The following CSMD2 variants were observed in gnomAD, a reference collection of about 807,000 sequenced individuals.
CSMD2 encodes the protein CUB and Sushi multiple domains 2.
CSMD2 carries 130 observed loss-of-function variants against 398.5 expected under a neutral mutation model. The ratio of observed to expected loss-of-function variants is 0.33; its 90% CI spans 0.28 to 0.38. The LOEUF is 0.38. Ranked by LOEUF, CSMD2 falls within the 10% of genes least tolerant of loss-of-function variation. The pLI is 1.00. For synonymous variants in CSMD2, 1,828 were observed against 1,908.5 expected (o/e 0.96, Z 1.10); for missense variants, 3,829 against 4,764.9 (o/e 0.80, Z 5.78).
At chr1:33,848,869 G>A (rs939232437) in intron 5 of CSMD2, among the ~76,000 whole-genome samples, 2 of 151,244 alleles carry the variant, frequency 1.3e-5, no homozygotes, top group African/African-American at 4.9e-5. Context: ...AAGCTTGGAG[G>A]CTATTTATAT....
At chr1:33,924,406 TTACATATACCATATTTTCTTTA>T (rs781070627) in intron 4 of CSMD2, among the ~76,000 whole-genome samples, 1 of 152,192 alleles carries the variant, frequency 6.6e-6, no homozygotes, top group Non-Finnish European at 1.5e-5. Context: ...CACATATATA[TTACATATACCATATTTTCTTTA>T]TACATTTATC....
chr1:33,768,976 C>T (rs1165484413), intron 13 of CSMD2, among the ~76,000 whole-genome samples: 1 of 152,312 alleles, frequency 6.6e-6, no homozygotes, highest in Non-Finnish European at 1.5e-5. Flanking sequence ...TGGCATATCT[C>T]TGGTGAAGGC....
At chr1:34,010,872 G>A (rs1468923843) in intron 3 of CSMD2, among the ~76,000 whole-genome samples, 3 of 152,142 alleles carry the variant, frequency 2.0e-5, no homozygotes, top group South Asian at 2.1e-4. Context: ...TGATCTGCCC[G>A]CCTCGGCCTC....
rs748133181 is a variant in CSMD2 at position 33,540,656 on chromosome 1, A to G, written c.9500T>C (p.Val3167Ala). 1.6e-5 allele frequency: 26 copies of G among 1,613,906 alleles called. No individual in the cohort carries two copies. In the African/African-American group the frequency reaches 3.5e-4, roughly 22 times the overall value. Residue 3167 changes from valine (V) to alanine (A), a missense_variant, in exon 60 of 71, where the codon GTG (valine) becomes GCG (alanine). Physicochemically the swap from Val to Ala is moderately conservative, Grantham distance 64. Transcript: ENST00000373381. ...GCCCCACATGAAGTCAGACCCCACCACCTTCCCATTGGGGATGAGCGGAGG... is the reference window on the plus strand; with the variant it reads ...GCCCCACATGAAGTCAGACCCCACCGCCTTCCCATTGGGGATGAGCGGAGG... ...KPPPLIPNGKVVGSDFMWGSS... is the reference protein window; with the variant it reads ...KPPPLIPNGKAVGSDFMWGSS...
intron 6 of CSMD2, among the ~76,000 whole-genome samples, chr1:33,844,130 T>A (rs1478491300): frequency 6.6e-6 from 1 of 152,210 alleles, no homozygotes; most frequent in Non-Finnish European, 1.5e-5. Context: ...TGCCACTGTT[T>A]TAGGGTGTAT....
chr1:33,635,933 C>T lies in CSMD2; in HGVS notation c.4969+427G>A, dbSNP rs1351541845. On this transcript the variant is annotated intron_variant, in intron 30 of 70. Transcript: ENST00000373381. This position sits in a 1 kb window ranked among gnomAD's most constrained non-coding sequence, Gnocchi z 5.0. ...TGATACTCATTCCTATCTCTCTTGTCAGGACCCCCATGGCTCACCCAGACC... is the reference window on the plus strand; with the variant it reads ...TGATACTCATTCCTATCTCTCTTGTTAGGACCCCCATGGCTCACCCAGACC... Among the ~76,000 whole-genome samples the T allele has an allele frequency of 3.9e-5, 6 of 152,144 alleles. No individual in the cohort carries two copies. Among genetic ancestry groups the T allele is most frequent in the African/African-American group, 1.4e-4 (6 of 41,436 alleles).
intron 3 of CSMD2, among the ~76,000 whole-genome samples, chr1:33,979,382 AG>A (rs1368995537): frequency 3.3e-5 from 3 of 89,616 alleles, no homozygotes; most frequent in African/African-American, 8.6e-5. Flanking sequence ...AATGGGACAG[AG>A]ATGAAGGAGG....
rs951091652 is a variant in CSMD2, at chr1:33,538,679, C to T, written c.9632-1070G>A. 7.2e-5 allele frequency among the ~76,000 whole-genome samples: 11 copies of T among 152,284 alleles called. No individual in the cohort carries two copies. The East Asian group carries it at 1.4e-3, about 19-fold the overall frequency. On this transcript the variant is annotated intron_variant, in intron 60 of 70. Transcript: ENST00000373381. ...CAACTGAAAGAACCAGAAACACAAA[C>T]GGCTGACAAGTGAAGAGCAACCAGC...
intron 1 of CSMD2, among the ~76,000 whole-genome samples, chr1:34,093,759 G>T (rs1658935444): frequency 6.6e-6 from 1 of 152,010 alleles, no homozygotes; most frequent in African/African-American, 2.4e-5. Flanking sequence ...GGGACTATGT[G>T]AAAAGACCAA....
chr1:34,059,594 T>C lies in CSMD2; in HGVS notation c.405-26888A>G, dbSNP rs918333330. Among the ~76,000 whole-genome samples, 8 of 152,312 alleles carry C rather than the reference T, an allele frequency of 5.3e-5. 1 individual carries two copies. The highest frequency in any genetic ancestry group is 5.2e-4 in the Admixed American group (8 of 15,304). The stretch of plus-strand genomic sequence containing the variant: ...ATCTGTGTATTTTGTTCCCCCACTG[T>C]TTTTGCGATGCCTGTTCAACCCTGC... On this transcript the variant is annotated intron_variant, in intron 2 of 70. Transcript: ENST00000373381.
At chr1:34,136,552 T>A (rs1049492290) in intron 1 of CSMD2, among the ~76,000 whole-genome samples, 1 of 152,202 alleles carries the variant, frequency 6.6e-6, no homozygotes, top group Non-Finnish European at 1.5e-5. Context: ...TGACATATCA[T>A]GATTTTTCAT....
chr1:33,708,591 C>CTTCTTATTATTATTATTATTA (rs1553180002), intron 22 of CSMD2, among the ~76,000 whole-genome samples: 1 of 141,084 alleles, frequency 7.1e-6, no homozygotes, highest in Non-Finnish European at 1.5e-5. Flanking sequence ...TCCAACCGAA[C>CTTCTTATTATTATTATTATTA]TTATTATTAT....
At chr1:33,886,096 C>A (rs886943213) in intron 5 of CSMD2, among the ~76,000 whole-genome samples, 1 of 152,144 alleles carries the variant, frequency 6.6e-6, no homozygotes, top group South Asian at 2.1e-4. Flanking sequence ...ATAAATGTCT[C>A]CTGAATAAAA....
chr1:34,021,289 C>G (rs1470571202), intron 3 of CSMD2, among the ~76,000 whole-genome samples: 1 of 152,206 alleles, frequency 6.6e-6, no homozygotes, highest in Non-Finnish European at 1.5e-5. Context: ...ATCCCCTAAA[C>G]CTCTAGGGCT....
chr1:33,881,228 C>T (rs1641216816), intron 5 of CSMD2, among the ~76,000 whole-genome samples: 1 of 152,252 alleles, frequency 6.6e-6, no homozygotes. Flanking sequence ...CAACCCTCCT[C>T]TGTGAATCCT....
intron 3 of CSMD2, among the ~76,000 whole-genome samples, chr1:33,966,786 T>C (rs1386380327): frequency 6.6e-6 from 1 of 152,150 alleles, no homozygotes; most frequent in Non-Finnish European, 1.5e-5. Flanking sequence ...AAATTGCTTA[T>C]TGAGTGGGAA....
chr1:33,731,593 C>A (rs986559957), intron 15 of CSMD2, among the ~76,000 whole-genome samples: 1 of 152,050 alleles, frequency 6.6e-6, no homozygotes, highest in Admixed American at 6.6e-5. Context: ...GAATAATTCT[C>A]ATTTATCTCC....
At chr1:34,030,558 T>G (rs899680141) in intron 3 of CSMD2, among the ~76,000 whole-genome samples, 1 of 152,234 alleles carries the variant, frequency 6.6e-6, no homozygotes, top group African/African-American at 2.4e-5. Flanking sequence ...TCTAATGTCA[T>G]GGAGTTTACA....
intron 13 of CSMD2, among the ~76,000 whole-genome samples, chr1:33,755,547 C>A (rs2149284718): frequency 6.6e-6 from 1 of 152,288 alleles, no homozygotes; most frequent in South Asian, 2.1e-4. Context: ...GATAAATGGG[C>A]AATACTGGCT....
Sources: gnomAD v4.1 joint callset for allele counts (sites outside exome capture counted in the v4.1 genomes callset) on GRCh38, gnomAD v4.1.1 for gene constraint, Gnocchi (gnomAD v3.1) non-coding constraint, MANE v1.5 for transcripts, NCBI Gene and HGNC (gene_info 2026-07-23, HGNC 2026-07-21) for gene names.